The following RBFOX1 variants were observed in gnomAD, a reference collection of about 807,000 sequenced individuals.
The protein encoded by RBFOX1 is RNA binding protein fox-1 homolog 1.
Under a neutral mutation model 57.7 loss-of-function variants are expected in RBFOX1, and 8 were observed. The ratio of observed to expected loss-of-function variants is 0.14; its 90% CI spans 0.08 to 0.25. The LOEUF is 0.25. Among genes scored for constraint, RBFOX1 ranks in the 10% least tolerant of loss-of-function variants. The pLI, the probability that RBFOX1 is intolerant of heterozygous loss-of-function variation, is 1.00. For synonymous variants in RBFOX1, 326 were observed against 222.4 expected (o/e 1.47, Z -4.15); for missense variants, 611 against 548.5 (o/e 1.11, Z -1.14).
chr16:6,300,539 A>G (rs1163624963), intron 1 of RBFOX1, among the ~76,000 whole-genome samples: 1 of 152,178 alleles, frequency 6.6e-6, no homozygotes, highest in African/African-American at 2.4e-5. Flanking sequence ...CATATAAAGT[A>G]TTTAGCGGAG....
intron 4 of RBFOX1, among the ~76,000 whole-genome samples, chr16:5,922,883 A>G (rs2058854855): frequency 6.6e-6 from 1 of 152,236 alleles, no homozygotes; most frequent in African/African-American, 2.4e-5. Flanking sequence ...TGGGCTTGGC[A>G]GACACCAGCA....
At chr16:5,850,761 C>G (rs2056875349) in intron 3 of RBFOX1, among the ~76,000 whole-genome samples, 1 of 152,194 alleles carries the variant, frequency 6.6e-6, no homozygotes, top group African/African-American at 2.4e-5. Flanking sequence ...AAGGGCGACT[C>G]CAGAGCCTGA....
At chr16:5,710,766 C>A (rs537033694) in intron 3 of RBFOX1, among the ~76,000 whole-genome samples, 23 of 152,256 alleles carry the variant, frequency 1.5e-4, no homozygotes, top group African/African-American at 5.3e-4. Flanking sequence ...CTCTGTGTCC[C>A]TGGGGACCCC....
intron 3 of RBFOX1, among the ~76,000 whole-genome samples, chr16:6,674,487 A>G (rs918034885): frequency 1.3e-5 from 2 of 151,938 alleles, no homozygotes; most frequent in Non-Finnish European, 2.9e-5. Context: ...ATGCCCGGCT[A>G]ATTTTTGTAT....
At chr16:6,727,318 A>T (rs1017270253) in intron 3 of RBFOX1, among the ~76,000 whole-genome samples, 1 of 152,218 alleles carries the variant, frequency 6.6e-6, no homozygotes, top group Non-Finnish European at 1.5e-5. Flanking sequence ...AGAAAAAAAA[A>T]CGCAATTGCT....
At chr16:5,406,620 G>A (rs1371022685) in intron 1 of RBFOX1, among the ~76,000 whole-genome samples, 7 of 151,768 alleles carry the variant, frequency 4.6e-5, no homozygotes, top group African/African-American at 1.5e-4. Context: ...TCACACACAC[G>A]TGTATATGCA....
chr16:7,237,066 G>A (rs1290304018), intron 4 of RBFOX1, among the ~76,000 whole-genome samples: 1 of 152,212 alleles, frequency 6.6e-6, no homozygotes, highest in African/African-American at 2.4e-5. Context: ...AGGAGAGGTA[G>A]AGAGCTGTGT....
chr16:7,645,394 T>C (rs1462701062), intron 11 of RBFOX1, among the ~76,000 whole-genome samples: 1 of 152,148 alleles, frequency 6.6e-6, no homozygotes, highest in Non-Finnish European at 1.5e-5. Context: ...TGAGGGACAA[T>C]CCCTGAGTCA....
intron 3 of RBFOX1, among the ~76,000 whole-genome samples, chr16:6,814,239 G>C (rs1347236475): frequency 7.2e-6 from 1 of 139,394 alleles, no homozygotes; most frequent in Non-Finnish European, 1.6e-5. Context: ...AACACAGAGA[G>C]AAAATTGTGG....
At chr16:6,365,362 G>T (rs1042387940) in intron 2 of RBFOX1, among the ~76,000 whole-genome samples, 3 of 151,106 alleles carry the variant, frequency 2.0e-5, no homozygotes. Flanking sequence ...ATGGATAGAC[G>T]GATGAGTGGA....
intron 3 of RBFOX1, among the ~76,000 whole-genome samples, chr16:6,930,846 GATCAATCTTAACTGTAATAGCATGTTCCT>G (rs2076386550): frequency 6.6e-6 from 1 of 151,956 alleles, no homozygotes; most frequent in African/African-American, 2.4e-5. Context: ...GAATGTTCTG[GATCAATCTTAACTGTAATAGCATGTTCCT>G]ATCCAATACC....
At chr16:7,707,110 T>G (rs2082710672) in intron 14 of RBFOX1, among the ~76,000 whole-genome samples, 1 of 152,240 alleles carries the variant, frequency 6.6e-6, no homozygotes, top group South Asian at 2.1e-4. Flanking sequence ...GGTCCTTGTT[T>G]GAGGATCAGG....
intron 4 of RBFOX1, among the ~76,000 whole-genome samples, chr16:7,453,164 A>G (rs11863741): frequency 0.49 from 72,997 of 150,504 alleles, 17,969 homozygotes; most frequent in Middle Eastern, 0.61. Flanking sequence ...ATCATGATAC[A>G]TGCTACATTG....
rs73552752 is a variant in RBFOX1, at chr16:7,253,924, A to G, written c.27+201826A>G. Among the ~76,000 whole-genome samples, 1,442 of 152,212 alleles carry G rather than the reference A, an allele frequency of 9.5e-3. 24 individuals are homozygous for G. Among genetic ancestry groups the G allele is most frequent in the African/African-American group, 0.033 (1,367 of 41,542 alleles). On this transcript the variant is annotated intron_variant, in intron 4 of 15. Coordinates refer to ENST00000550418, the MANE Select transcript of RBFOX1 (RefSeq NM_018723.4). ...TGAATCTGAAGAGTCTTTATATAGG[A>G]GCTCTCTTGTATCTAGAAAGGGGAC...
At chr16:6,182,427 T>C (rs750822386) in intron 1 of RBFOX1, among the ~76,000 whole-genome samples, 9 of 152,212 alleles carry the variant, frequency 5.9e-5, no homozygotes, top group Admixed American at 2.6e-4. Context: ...CATGTTTTCT[T>C]TACAGATGTA....
intron 3 of RBFOX1, among the ~76,000 whole-genome samples, chr16:6,762,611 C>T (rs1254933129): frequency 6.6e-6 from 1 of 152,124 alleles, no homozygotes; most frequent in Non-Finnish European, 1.5e-5. Flanking sequence ...ATGAAAGGAA[C>T]AGCAAAAGTC....
chr16:7,327,349 A>AG (rs1410358983), intron 4 of RBFOX1, among the ~76,000 whole-genome samples: 3 of 152,234 alleles, frequency 2.0e-5, no homozygotes, highest in African/African-American at 7.2e-5. Context: ...TTTGTATCGG[A>AG]GGATGAATTT....
intron 5 of RBFOX1, among the ~76,000 whole-genome samples, chr16:7,575,115 G>T (rs1602245393): frequency 6.6e-6 from 1 of 151,958 alleles, no homozygotes; most frequent in South Asian, 2.1e-4. Flanking sequence ...AATCCTCCTG[G>T]ATTTAGGATG....
intron 3 of RBFOX1, among the ~76,000 whole-genome samples, chr16:6,721,171 G>A (rs545157786): frequency 1.3e-5 from 2 of 152,166 alleles, no homozygotes; most frequent in Non-Finnish European, 2.9e-5. Context: ...GGCCGGGCAC[G>A]GTGGCTCACT....
Sources: gnomAD v4.1 joint callset for allele counts (sites outside exome capture counted in the v4.1 genomes callset) on GRCh38, gnomAD v4.1.1 for gene constraint, MANE v1.5 for transcripts, NCBI Gene and HGNC (gene_info 2026-07-23, HGNC 2026-07-21) for gene names.